The following CDK14 variants were observed in gnomAD, a reference collection of about 807,000 sequenced individuals.
CDK14 encodes cyclin dependent kinase 14.
Under a neutral mutation model 60.7 loss-of-function variants are expected in CDK14, and 34 were observed. That is an observed-to-expected ratio of 0.56 (90% confidence interval 0.43 to 0.75). CDK14 has a LOEUF of 0.75. CDK14 is among the 30% of genes least tolerant of loss of function. The pLI, the probability that CDK14 is intolerant of heterozygous loss-of-function variation, is 0.00. For missense variants in CDK14, 482 were observed against 564.1 expected (o/e 0.85, Z 1.47); for synonymous variants, 197 against 203.7 (o/e 0.97, Z 0.28).
chr7:90,745,769 T>A (rs1377554698), intron 3 of CDK14, among the ~76,000 whole-genome samples: 1 of 152,228 alleles, frequency 6.6e-6, no homozygotes, highest in Non-Finnish European at 1.5e-5. Context: ...GGTTTTAGCT[T>A]ATCTGCCCAC....
intron 2 of CDK14, among the ~76,000 whole-genome samples, chr7:90,717,336 A>G (rs965509255): frequency 1.2e-4 from 19 of 152,106 alleles, no homozygotes; most frequent in African/African-American, 4.6e-4. Context: ...AGCTTCTGGA[A>G]AGACTACCTA....
chr7:90,955,792 G>T lies in CDK14; in HGVS notation c.922G>T (p.Glu308Ter). 1 of 1,613,322 alleles carries T rather than the reference G, an allele frequency of 6.2e-7. No homozygotes were observed. Among genetic ancestry groups the T allele is most frequent in the Non-Finnish European group, 8.5e-7 (1 of 1,179,414 alleles). The change falls in exon 9 of 15, where the codon GAA (glutamate) becomes TAA (stop). Residue 308 changes from glutamate (E) to a stop codon, truncating the protein, a stop_gained. Coordinates refer to ENST00000380050, the MANE Select transcript of CDK14 (RefSeq NM_001287135.2). LOFTEE classifies it high-confidence loss of function. ...RPPDVLLGST[E>*]YSTCLDMWGV... Reference sequence around the variant, plus strand: ...TCCAGATGTCCTTCTAGGCTCAACAGAATATTCCACCTGCCTTGACATGTG... The same window carrying T: ...TCCAGATGTCCTTCTAGGCTCAACATAATATTCCACCTGCCTTGACATGTG...
intron 10 of CDK14, among the ~76,000 whole-genome samples, chr7:90,996,411 C>T (rs575814362): frequency 6.6e-6 from 1 of 152,288 alleles, no homozygotes; most frequent in East Asian, 1.9e-4. Context: ...AGAAAAAAGC[C>T]TCCTCAAAAT....
At chr7:91,044,948 C>T (rs909199375) in intron 10 of CDK14, among the ~76,000 whole-genome samples, 4 of 152,160 alleles carry the variant, frequency 2.6e-5, no homozygotes, top group Admixed American at 2.0e-4. Flanking sequence ...TGCCAGGTAG[C>T]GTTCTCCACA....
chr7:91,113,758 C>G (rs953000697), intron 13 of CDK14, among the ~76,000 whole-genome samples: 14 of 152,078 alleles, frequency 9.2e-5, no homozygotes, highest in African/African-American at 3.1e-4. Context: ...GGCAATAACC[C>G]TTTATTTTGG....
chr7:90,621,684 C>G (rs1194760501), intron 2 of CDK14, among the ~76,000 whole-genome samples: 2 of 151,030 alleles, frequency 1.3e-5, no homozygotes, highest in African/African-American at 4.9e-5. Flanking sequence ...TTCCTGCCTT[C>G]CTGCCTTCCT....
At chr7:91,077,448 A>G (rs547359582) in intron 11 of CDK14, among the ~76,000 whole-genome samples, 1 of 152,022 alleles carries the variant, frequency 6.6e-6, no homozygotes, top group Non-Finnish European at 1.5e-5. Context: ...CAATGTGAAC[A>G]TATGGACACA....
chr7:91,082,156 C>T (rs1359977486), intron 12 of CDK14, among the ~76,000 whole-genome samples: 1 of 152,142 alleles, frequency 6.6e-6, no homozygotes, highest in Non-Finnish European at 1.5e-5. Flanking sequence ...AGAATTTTAG[C>T]CACTTAAAAG....
chr7:90,709,816 T>C (rs1801996421), intron 2 of CDK14: 15 of 1,421,598 alleles, frequency 1.1e-5, no homozygotes, highest in Non-Finnish European at 1.3e-5. Flanking sequence ...TTGGTTGTAG[T>C]ACGGCCGTAC....
intron 10 of CDK14, among the ~76,000 whole-genome samples, chr7:91,039,813 C>T (rs1038331501): frequency 3.3e-5 from 5 of 152,118 alleles, no homozygotes; most frequent in South Asian, 4.2e-4. Context: ...CCTTCTTGGC[C>T]GGGTGCGGTG....
At chr7:90,966,264 C>G (rs1244890397) in intron 9 of CDK14, among the ~76,000 whole-genome samples, 1 of 151,898 alleles carries the variant, frequency 6.6e-6, no homozygotes, top group East Asian at 1.9e-4. Context: ...TTCTTGCTTC[C>G]TTTCCTTCTG....
rs564540607 is a variant in CDK14 at position 90,815,425 on chromosome 7, C to T, written c.544+24773C>T. Among the ~76,000 whole-genome samples the T allele has an allele frequency of 5.9e-5, 9 of 152,268 alleles. No homozygotes were observed. The South Asian group carries it at 1.9e-3, about 32-fold the overall frequency. ...TTAAAAAGTCAGGGAACAACAGATG[C>T]TGGTGAGGCTGTGGAGAAATAGGAA... On this transcript the variant is annotated intron_variant, in intron 5 of 14. Transcript: ENST00000380050.
intron 9 of CDK14, among the ~76,000 whole-genome samples, chr7:90,957,254 C>A (rs963072827): frequency 2.6e-5 from 4 of 152,034 alleles, no homozygotes; most frequent in Admixed American, 1.3e-4. Flanking sequence ...GTTCCTATTT[C>A]TCCACATCCT....
intron 2 of CDK14, among the ~76,000 whole-genome samples, chr7:90,642,053 C>G (rs183835222): frequency 3.3e-5 from 5 of 152,204 alleles, no homozygotes; most frequent in African/African-American, 1.2e-4. Flanking sequence ...CACTGGCTCC[C>G]TCCCACAACA....
At chr7:91,082,571 T>C (rs1347275618) in intron 12 of CDK14, among the ~76,000 whole-genome samples, 1 of 152,114 alleles carries the variant, frequency 6.6e-6, no homozygotes, top group Non-Finnish European at 1.5e-5. Context: ...AACACAAAAA[T>C]AGAGAAGAAA....
At chr7:91,034,920 G>A (rs750490124) in intron 10 of CDK14, among the ~76,000 whole-genome samples, 61 of 141,502 alleles carry the variant, frequency 4.3e-4, no homozygotes, top group Non-Finnish European at 7.7e-4. Flanking sequence ...ACTCACACCT[G>A]TGTACACACA....
At chr7:90,682,783 A>G (rs1801347129) in intron 2 of CDK14, among the ~76,000 whole-genome samples, 1 of 152,144 alleles carries the variant, frequency 6.6e-6, no homozygotes, top group East Asian at 1.9e-4. Context: ...GCCTTCTTCT[A>G]TATTTATGAA....
At chr7:90,610,118 G>C (rs1799508190) in intron 2 of CDK14, among the ~76,000 whole-genome samples, 1 of 151,972 alleles carries the variant, frequency 6.6e-6, no homozygotes, top group South Asian at 2.1e-4. Flanking sequence ...TTCTCTGCCT[G>C]TCCCATCCCA....
At chr7:90,878,826 G>A (rs1256259425) in intron 6 of CDK14, among the ~76,000 whole-genome samples, 1 of 152,138 alleles carries the variant, frequency 6.6e-6, no homozygotes, top group Admixed American at 6.5e-5. Context: ...TGGTAAAATT[G>A]TAACTTTTTC....
Sources: allele counts gnomAD v4.1 joint callset (sites outside exome capture counted in the v4.1 genomes callset), GRCh38; gene constraint gnomAD v4.1.1; transcripts MANE v1.5; gene names NCBI Gene and HGNC (gene_info 2026-07-23, HGNC 2026-07-21).